SHOX: variants seen among roughly 807,000 people sequenced by gnomAD.
SHOX encodes short stature homeobox protein.
In SHOX, 12 loss-of-function variants were observed where a neutral mutation model predicts 29.6. That is an observed-to-expected ratio of 0.41 (90% CI 0.26 to 0.66). The LOEUF is 0.66. Ranked by LOEUF, SHOX falls within the 30% of genes least tolerant of loss-of-function variation. The probability of loss-of-function intolerance (pLI) is 0.35; values close to 1 mark genes in which losing one functional copy is unlikely to be tolerated. For synonymous variants in SHOX, 214 were observed against 200.6 expected, an observed-to-expected ratio of 1.07 and a Z score of -0.57; for missense variants, 499 against 437.7, an observed-to-expected ratio of 1.14 and a Z score of -1.25.
At position 648,267 on chromosome X, in the gene SHOX, T is replaced by C. The variant is rs113510221; in HGVS notation, c.*3631T>C. Among the ~76,000 whole-genome samples the C allele has an allele frequency of 9.6e-4, 128 of 133,008 alleles. No individual in the cohort carries two copies. Among genetic ancestry groups the C allele is most frequent in the African/African-American group, 2.5e-3 (84 of 33,692 alleles). 87.3% of individuals were successfully genotyped at this position (133,008 alleles called of 152,430 possible). A position where few individuals can be genotyped will look rare whatever the true frequency, so the allele number is the denominator to read the frequency against. On this transcript the variant is annotated 3_prime_UTR_variant, in exon 5 of 5. Coordinates refer to ENST00000686671, the MANE Select transcript of SHOX (RefSeq NM_000451.4). ...TAGTACAGACAGGGTTTCGGCCTCC[T>C]GAGTAGCTGGGATTACAGGCACCTG...
chrX:624,904 C>CCTTTCTTTCTT (rs2052485624), intron 1 of SHOX, among the ~76,000 whole-genome samples: 2 of 94,932 alleles, frequency 2.1e-5, no homozygotes, highest in Non-Finnish European at 4.3e-5. Context: ...CTTTCTTTCT[C>CCTTTCTTTCTT]TCTTCCTTTC....
intron 2 of SHOX, among the ~76,000 whole-genome samples, chrX:635,773 C>T (rs930818879): frequency 3.3e-5 from 5 of 151,992 alleles, no homozygotes; most frequent in African/African-American, 1.2e-4. Flanking sequence ...TTCTTCCAGC[C>T]CCTGCCTGAC....
Position 625,731 on chromosome X carries a change from T to TC in SHOX, c.-433+1130dup, listed in dbSNP as rs2052517941. ...TCTATCTCTGTCTCTCTCTCTCCTC[T>TC]CTCTCTGTCTCTTTTTCTCTGTCTC... On this transcript the variant is annotated intron_variant, in intron 1 of 5. Transcript: ENST00000334060. Among the ~76,000 whole-genome samples, 6 of 132,598 alleles carry TC rather than the reference T, an allele frequency of 4.5e-5. 1 individual carries two copies. Among genetic ancestry groups the TC allele is most frequent in the East Asian group, 2.3e-4 (1 of 4,276 alleles). 87.0% of individuals were successfully genotyped at this position (132,598 alleles called of 152,430 possible).
At chrX:625,600 C>CCT (rs1346704642) in intron 1 of SHOX, among the ~76,000 whole-genome samples, 2 of 149,502 alleles carry the variant, frequency 1.3e-5, no homozygotes, top group South Asian at 2.2e-4. Flanking sequence ...TTCTCTCTCT[C>CCT]CTCTCTCTCT....
chrX:629,908 C>A (rs141429847), upstream of SHOX, among the ~76,000 whole-genome samples: 2,378 of 152,304 alleles, frequency 0.016, 62 homozygotes, highest in African/African-American at 0.054. Context: ...CAGGAGCATC[C>A]CACCATGAAA....
chrX:634,042 A>C (rs1375163512), intron 1 of SHOX, among the ~76,000 whole-genome samples: 2 of 152,248 alleles, frequency 1.3e-5, no homozygotes, highest in East Asian at 3.9e-4. Context: ...CACGCGGTTC[A>C]GCCCCCAGGC....
At chrX:653,197 C>T (rs1182957080), downstream of SHOX, among the ~76,000 whole-genome samples, 21 of 152,136 alleles carry the variant, frequency 1.4e-4, no homozygotes, top group African/African-American at 4.6e-4. Flanking sequence ...GCCGAGATCG[C>T]GCCATTGCAC....
chrX:657,695 G>A (rs916326644), intron 5 of SHOX, among the ~76,000 whole-genome samples: 20 of 152,216 alleles, frequency 1.3e-4, no homozygotes, highest in African/African-American at 4.3e-4. Flanking sequence ...ACCGTAACCC[G>A]TCTGAAAAGA....
chrX:657,956 G>A (rs2053169695), intron 5 of SHOX, among the ~76,000 whole-genome samples: 1 of 152,060 alleles, frequency 6.6e-6, no homozygotes, highest in Non-Finnish European at 1.5e-5. Context: ...TGGAAGTTTA[G>A]CTTCTCCAGG....
rs146304983 is a variant in SHOX at position 630,983 on chromosome X, A to G, written c.86A>G (p.Lys29Arg). ...GNGGGGGGGG[K>R]KDSITYREVL... ...GGCGGAGGCGGAGGCGGCGGAGGTA[A>G]GAAGGATTCCATTACGTACCGGGAA... The change falls in exon 1 of 5, where the codon AAG becomes AGG. Residue 29 changes from lysine (K) to arginine (R), a missense_variant. Lys to Arg is a conservative substitution (Grantham distance 26). Transcript: ENST00000686671. 1 of 1,613,606 alleles carries G rather than the reference A, an allele frequency of 6.2e-7. No individual in the cohort carries two copies. The highest frequency in any genetic ancestry group is 8.5e-7 in the Non-Finnish European group (1 of 1,179,844).
At chrX:628,221 C>T (rs778368873), upstream of SHOX, among the ~76,000 whole-genome samples, 348 of 121,320 alleles carry the variant, frequency 2.9e-3, 3 homozygotes, top group South Asian at 0.033. Context: ...CTGTCCGTGT[C>T]GCTCTTTCTC....
At chrX:640,555 G>T (rs773053614) in intron 2 of SHOX, among the ~76,000 whole-genome samples, 1 of 152,070 alleles carries the variant, frequency 6.6e-6, no homozygotes, top group East Asian at 1.9e-4. Context: ...CAGCCTGGGC[G>T]ACAGAGCGAG....
At chrX:625,711 CT>C (rs2052516848) in intron 1 of SHOX, among the ~76,000 whole-genome samples, 1 of 33,340 alleles carries the variant, frequency 3.0e-5, no homozygotes, top group African/African-American at 3.5e-4. Flanking sequence ...CTCTTTCTAT[CT>C]CTGTCTCTCT....
intron 4 of SHOX, among the ~76,000 whole-genome samples, chrX:643,033 C>G (rs886813560): frequency 4.8e-5 from 7 of 145,740 alleles, no homozygotes; most frequent in African/African-American, 1.3e-4. Flanking sequence ...GGCTTGGACA[C>G]CTGGTGACCC....
intron 4 of SHOX, among the ~76,000 whole-genome samples, chrX:643,950 G>A (rs1279222856): frequency 7.0e-6 from 1 of 143,474 alleles, no homozygotes; most frequent in African/African-American, 2.9e-5. Context: ...ATCTTGGAGA[G>A]GCTTGGGGAC....
In SHOX at chrX:645,277, C is replaced by T. The variant is rs1468844316; in HGVS notation, c.*641C>T. 6.6e-6 allele frequency: 1 copy of T among 151,936 alleles called. No individual in the cohort carries two copies. Among genetic ancestry groups the T allele is most frequent in the Non-Finnish European group, 1.5e-5 (1 of 68,010 alleles). The allele number at this position is 151,936 out of a possible 1,614,324, so 9.4% of individuals were successfully genotyped here. On this transcript the variant is annotated 3_prime_UTR_variant, in exon 5 of 5. Transcript: ENST00000686671. ...GCTTTGGAAAGGGAGGGGAGGGAGA[C>T]CCGAACCTCCCACGTTGGGACTCCC...
upstream of SHOX, among the ~76,000 whole-genome samples, chrX:626,429 G>C (rs1415915264): frequency 1.3e-5 from 1 of 75,868 alleles, no homozygotes; most frequent in African/African-American, 5.3e-5. Context: ...CTCTGTCTTC[G>C]TTCCTCTCTC....
At chrX:655,568 G>GTCTCTCTGTC (rs1486294545), downstream of SHOX, among the ~76,000 whole-genome samples, 6 of 87,854 alleles carry the variant, frequency 6.8e-5, 1 homozygote, top group African/African-American at 2.8e-4. Flanking sequence ...CTCTCTCTCT[G>GTCTCTCTGTC]TCTCTCTCTC....
chrX:634,250 C>G (rs964556869), intron 1 of SHOX, among the ~76,000 whole-genome samples: 2 of 152,176 alleles, frequency 1.3e-5, no homozygotes, highest in East Asian at 3.9e-4. Flanking sequence ...CCGGGCGTCC[C>G]GCCGGGGATC....
Sources: allele counts gnomAD v4.1 joint callset (sites outside exome capture counted in the v4.1 genomes callset), GRCh38; gene constraint gnomAD v4.1.1; transcripts MANE v1.5; gene names NCBI Gene and HGNC (gene_info 2026-07-23, HGNC 2026-07-21).